The following JAK1 variants were observed in gnomAD, a reference collection of about 807,000 sequenced individuals.
The protein encoded by JAK1 is tyrosine-protein kinase JAK1.
A neutral mutation model predicts 136.6 loss-of-function variants in JAK1; 16 were observed. The observed-to-expected ratio is 0.12, with a 90% confidence interval of 0.08 to 0.18. The LOEUF (loss-of-function observed/expected upper bound fraction) is 0.18, where lower values mean the gene tolerates loss of function less well. Among genes scored for constraint, JAK1 ranks in the 10% least tolerant of loss-of-function variants. The pLI is 1.00. For missense variants in JAK1, 859 were observed against 1,450.1 expected (o/e 0.59, Z 6.62); for synonymous variants, 492 against 519.5 (o/e 0.95, Z 0.72).
chr1:65,064,083 C>T (rs1488482826), intron 1 of JAK1, among the ~76,000 whole-genome samples: 1 of 152,138 alleles, frequency 6.6e-6, no homozygotes, highest in African/African-American at 2.4e-5. Context: ...TTACTTTGCA[C>T]TTACATATCC....
chr1:65,018,487 A>AGAGAGAGAGAGAAC (rs1394294153), intron 2 of JAK1, among the ~76,000 whole-genome samples: 1 of 96,042 alleles, frequency 1.0e-5, no homozygotes, highest in Admixed American at 1.3e-4. Flanking sequence ...AGAGAGAGAG[A>AGAGAGAGAGAGAAC]ACACACACAC....
In JAK1 at chr1:64,835,520, A is replaced by T. The variant is rs779424415; in HGVS notation, c.3259-14T>A. 7 of 1,456,558 alleles carry T rather than the reference A, an allele frequency of 4.8e-6. No homozygotes were observed. Among genetic ancestry groups the T allele is most frequent in the Middle Eastern group, 1.7e-4 (1 of 5,784 alleles). The allele number at this position is 1,456,558 out of a possible 1,614,324, so 90.2% of individuals were successfully genotyped here. On this transcript the variant is annotated splice_polypyrimidine_tract_variant and intron_variant, in intron 23 of 24. Transcript: ENST00000342505. ...TTTCAGGAACAACTATATAAAATAA[A>T]ATCAAACAAAACGTTTAACTTTGCA...
chr1:64,952,825 A>AG (rs1236178877), intron 1 of JAK1, among the ~76,000 whole-genome samples: 1 of 152,270 alleles, frequency 6.6e-6, no homozygotes, highest in East Asian at 1.9e-4. Flanking sequence ...GTACAAATAC[A>AG]GACAAACACA....
intron 2 of JAK1, 37 bp from the exon 3 acceptor site, chr1:64,883,512 T>C (rs1248132262): frequency 1.9e-6 from 3 of 1,571,130 alleles, no homozygotes; most frequent in Non-Finnish European, 2.6e-6. Flanking sequence ...GTGGTCACTC[T>C]ATGTGCTAAA....
At chr1:64,915,864 C>T (rs923404592) in intron 1 of JAK1, among the ~76,000 whole-genome samples, 16 of 152,186 alleles carry the variant, frequency 1.1e-4, no homozygotes, top group Non-Finnish European at 1.9e-4. Context: ...ACGGCATCTG[C>T]ACACATGCTG....
At chr1:64,927,062 T>C (rs12031995) in intron 1 of JAK1, among the ~76,000 whole-genome samples, 34,303 of 152,118 alleles carry the variant, frequency 0.23, 4,792 homozygotes, top group East Asian at 0.53. Flanking sequence ...ACTTCCCACC[T>C]TTGTCCAAGC....
intron 19 of JAK1, among the ~76,000 whole-genome samples, chr1:64,840,864 GAT>G (rs1208955844): frequency 1.3e-5 from 2 of 151,910 alleles, no homozygotes; most frequent in Non-Finnish European, 2.9e-5. Flanking sequence ...AAGCTTACAG[GAT>G]ATATATGCCC....
rs1646566488 is a variant in JAK1 at position 64,983,256 on chromosome 1, C to G, written c.-78+61224G>C. Reference sequence around the variant, plus strand: ...ACTCTCAAGTATGGGCTACACTGCACACTGACTCATACTATCTCAAACATG... The same window carrying G: ...ACTCTCAAGTATGGGCTACACTGCAGACTGACTCATACTATCTCAAACATG... On this transcript the variant is annotated intron_variant, in intron 2 of 25. Transcript: ENST00000671954. 5.9e-5 allele frequency among the ~76,000 whole-genome samples: 9 copies of G among 152,272 alleles called. No homozygotes were observed. In the South Asian group the frequency reaches 1.9e-3, roughly 32 times the overall value.
chr1:64,994,332 A>C lies in JAK1; in HGVS notation c.-78+50148T>G, dbSNP rs188347117. 2.0e-3 allele frequency among the ~76,000 whole-genome samples: 311 copies of C among 152,354 alleles called. 1 individual carries two copies. The highest frequency in any genetic ancestry group is 7.2e-3 in the African/African-American group (300 of 41,574). Reference sequence around the variant, plus strand: ...AATGTTGTGCACTGTTGCAGCCCCCAGCGCCTGATGCAGCCACACATGTAA... The same window carrying C: ...AATGTTGTGCACTGTTGCAGCCCCCCGCGCCTGATGCAGCCACACATGTAA... On this transcript the variant is annotated intron_variant, in intron 2 of 25. Coordinates refer to the JAK1 transcript ENST00000671954.
In JAK1 at chr1:64,841,358, A is replaced by G. The variant is rs758322022; in HGVS notation, c.2555-19T>C. ...TCTGGATCTAACAGAAGAGAAAAGAAAACAGAGTGAAAGGCAGTCGATTGC... is the reference window on the plus strand; with the variant it reads ...TCTGGATCTAACAGAAGAGAAAAGAGAACAGAGTGAAAGGCAGTCGATTGC... On this transcript the variant is annotated intron_variant, in intron 18 of 24. Coordinates refer to ENST00000342505, the MANE Select transcript of JAK1 (RefSeq NM_002227.4). 7.4e-6 allele frequency: 12 copies of G among 1,612,882 alleles called. No individual in the cohort carries two copies. Among genetic ancestry groups the G allele is most frequent in the Non-Finnish European group, 8.5e-6 (10 of 1,178,966 alleles).
chr1:64,886,994 C>G (rs778462013), intron 1 of JAK1, among the ~76,000 whole-genome samples: 2 of 152,158 alleles, frequency 1.3e-5, no homozygotes, highest in Non-Finnish European at 2.9e-5. Flanking sequence ...AGAGCATAGT[C>G]CCAGGCATTA....
intron 1 of JAK1, among the ~76,000 whole-genome samples, 183 bp downstream of exon 1, chr1:64,966,150 G>A (rs976255522): frequency 5.3e-5 from 8 of 151,782 alleles, no homozygotes; most frequent in African/African-American, 1.7e-4. Context: ...CCGCGGGGCT[G>A]GAAATCCCCG....
At chr1:64,887,336 A>C (rs886305991) in intron 1 of JAK1, among the ~76,000 whole-genome samples, 1 of 152,222 alleles carries the variant, frequency 6.6e-6, no homozygotes, top group African/African-American at 2.4e-5. Flanking sequence ...AAATCACTGC[A>C]CAAAAGTTTT....
chr1:64,946,511 G>T (rs1645989874), intron 1 of JAK1, among the ~76,000 whole-genome samples: 1 of 152,154 alleles, frequency 6.6e-6, no homozygotes, highest in African/African-American at 2.4e-5. Flanking sequence ...ACGTCAGCCA[G>T]CTACCCACAA....
At chr1:64,852,060 A>C (rs1399437534) in intron 11 of JAK1, among the ~76,000 whole-genome samples, 2 of 152,226 alleles carry the variant, frequency 1.3e-5, no homozygotes, top group African/African-American at 4.8e-5. Context: ...CCACGTCTCT[A>C]ATCCCTGCTA....
intron 1 of JAK1, among the ~76,000 whole-genome samples, chr1:64,963,936 C>T (rs945541881): frequency 2.0e-5 from 3 of 152,138 alleles, no homozygotes; most frequent in Admixed American, 6.5e-5. Context: ...TAGCACCGCT[C>T]CCTTCCCCCA....
chr1:64,933,776 T>C (rs1645739637), intron 1 of JAK1, among the ~76,000 whole-genome samples: 1 of 152,182 alleles, frequency 6.6e-6, no homozygotes. Context: ...AAATGCAATC[T>C]ATTTGCCTCA....
At chr1:64,942,179 G>C (rs1206987023) in intron 1 of JAK1, 2 of 152,182 alleles carry the variant, frequency 1.3e-5, no homozygotes, top group Non-Finnish European at 2.9e-5. Flanking sequence ...AAAAGATATA[G>C]AGGACACATG....
rs1173773744 is a variant in JAK1 at position 64,844,557 on chromosome 1, G to A, written c.2251+197C>T. Among the ~76,000 whole-genome samples, 1 of 152,096 alleles carries A rather than the reference G, an allele frequency of 6.6e-6. No individual in the cohort carries two copies. Among genetic ancestry groups the A allele is most frequent in the Non-Finnish European group, 1.5e-5 (1 of 68,028 alleles). ...GGGCCATCACCCAGGGCAGGAGGACGAACGGGGGCTCGTTCAAGGACTTAA... is the reference window on the plus strand; with the variant it reads ...GGGCCATCACCCAGGGCAGGAGGACAAACGGGGGCTCGTTCAAGGACTTAA... On this transcript the variant is annotated intron_variant, in intron 16 of 24. Coordinates refer to ENST00000342505, the MANE Select transcript of JAK1 (RefSeq NM_002227.4). The surrounding 1 kb of genome is among the most constrained non-coding windows in gnomAD (Gnocchi z 5.7).
Sources: allele counts gnomAD v4.1 joint callset (sites outside exome capture counted in the v4.1 genomes callset), GRCh38; gene constraint gnomAD v4.1.1; non-coding constraint Gnocchi (gnomAD v3.1); transcripts MANE v1.5; gene names NCBI Gene and HGNC (gene_info 2026-07-23, HGNC 2026-07-21).